COMMD10: variants seen among roughly 807,000 people sequenced by gnomAD.
COMMD10 encodes COMM domain-containing protein 10.
Under a neutral mutation model 28.9 loss-of-function variants are expected in COMMD10, and 33 were observed. The ratio of observed to expected loss-of-function variants is 1.14; its 90% CI spans 0.87 to 1.53. COMMD10 has a LOEUF of 1.53. Ranked by LOEUF, COMMD10 falls within the 40% of genes most tolerant of loss-of-function variation. COMMD10 has a pLI of 0.00. For synonymous variants in COMMD10, 110 were observed against 81.7 expected (o/e 1.35, Z -1.87); for missense variants, 310 against 233.4 (o/e 1.33, Z -2.14).
chr5:116,204,260 A>C (rs918804963), intron 5 of COMMD10, among the ~76,000 whole-genome samples: 1 of 152,212 alleles, frequency 6.6e-6, no homozygotes, highest in Non-Finnish European at 1.5e-5. Context: ...GTGACCTACA[A>C]GGAGACTTAG....
At chr5:116,123,480 A>T (rs1054021757) in intron 4 of COMMD10, among the ~76,000 whole-genome samples, 1 of 152,126 alleles carries the variant, frequency 6.6e-6, no homozygotes, top group Admixed American at 6.5e-5. Flanking sequence ...CCAGTATTTT[A>T]TTGAGGATTT....
rs565433479 is a variant in COMMD10 at position 116,276,499 on chromosome 5, G to A, written c.511-15018G>A. On this transcript the variant is annotated intron_variant, in intron 5 of 6. Coordinates refer to ENST00000274458, the MANE Select transcript of COMMD10 (RefSeq NM_016144.4). The stretch of plus-strand genomic sequence containing the variant: ...GATCCACCCACCTCAGCCTCCCAGA[G>A]TGCTGAGATTACAGGCATGAGCCAC... Among the ~76,000 whole-genome samples, 109 of 151,814 alleles carry A rather than the reference G, an allele frequency of 7.2e-4. 2 individuals carry two copies. Among genetic ancestry groups the A allele is most frequent in the African/African-American group, 2.6e-3 (108 of 41,212 alleles).
chr5:116,172,417 T>C (rs1753365461), intron 5 of COMMD10, among the ~76,000 whole-genome samples: 1 of 152,174 alleles, frequency 6.6e-6, no homozygotes, highest in South Asian at 2.1e-4. Flanking sequence ...ATGCTGCCTC[T>C]TTGTCTCTAA....
intron 5 of COMMD10, among the ~76,000 whole-genome samples, chr5:116,228,749 G>T (rs1749458441): frequency 6.6e-6 from 1 of 151,828 alleles, no homozygotes; most frequent in Non-Finnish European, 1.5e-5. Flanking sequence ...AGATCTTTTA[G>T]GATCACTGTG....
intron 4 of COMMD10, among the ~76,000 whole-genome samples, chr5:116,113,200 C>CT (rs1231535961): frequency 2.6e-5 from 4 of 152,056 alleles, no homozygotes; most frequent in Admixed American, 2.6e-4. Context: ...GTTTGATGGA[C>CT]TTTCCTTTAT....
At chr5:116,237,706 G>C (rs1749706336) in intron 5 of COMMD10, among the ~76,000 whole-genome samples, 1 of 151,996 alleles carries the variant, frequency 6.6e-6, no homozygotes, top group East Asian at 1.9e-4. Flanking sequence ...CACATGAGCA[G>C]GTATTATCTT....
chr5:116,250,480 GA>G (rs933738123), intron 5 of COMMD10, among the ~76,000 whole-genome samples: 3 of 150,894 alleles, frequency 2.0e-5, no homozygotes, highest in Non-Finnish European at 3.0e-5. Context: ...GGCTAAAAAG[GA>G]AAAAAAATTC....
chr5:116,239,251 G>T (rs546557992), intron 5 of COMMD10, among the ~76,000 whole-genome samples: 125 of 152,102 alleles, frequency 8.2e-4, no homozygotes, highest in Admixed American at 3.4e-3. Context: ...AAATTTGTTG[G>T]CATTAGTAAC....
intron 5 of COMMD10, among the ~76,000 whole-genome samples, chr5:116,280,543 C>T (rs11742237): frequency 6.6e-6 from 1 of 151,814 alleles, no homozygotes; most frequent in Non-Finnish European, 1.5e-5. Context: ...GGTTAAACGT[C>T]TATTCCTTGC....
In COMMD10 at chr5:116,293,210, T is replaced by G; in HGVS notation, c.*721T>G. The G allele has an allele frequency of 2.6e-6, 1 of 386,118 alleles. No homozygotes were observed. 23.9% of individuals were successfully genotyped at this position (386,118 alleles called of 1,614,324 possible). ...GTAATGAGTGCTAAATGGGCACCAT[T>G]ATTCGAATCAGATACCTTTTATATT... On this transcript the variant is annotated 3_prime_UTR_variant, in exon 7 of 7. Coordinates refer to ENST00000274458, the MANE Select transcript of COMMD10 (RefSeq NM_016144.4).
At chr5:116,272,139 G>A (rs78996676) in intron 5 of COMMD10, among the ~76,000 whole-genome samples, 2,133 of 151,836 alleles carry the variant, frequency 0.014, 85 homozygotes, top group African/African-American at 0.047. Flanking sequence ...TTTTCTAAGC[G>A]ATAATACCAG....
chr5:116,161,252 A>C (rs944379441), intron 5 of COMMD10, among the ~76,000 whole-genome samples: 9 of 152,162 alleles, frequency 5.9e-5, no homozygotes, highest in Non-Finnish European at 1.2e-4. Context: ...TATCTTCGTC[A>C]TCTTTAAAAT....
At chr5:116,127,062 C>T (rs1393671242) in intron 4 of COMMD10, among the ~76,000 whole-genome samples, 1 of 152,194 alleles carries the variant, frequency 6.6e-6, no homozygotes, top group Non-Finnish European at 1.5e-5. Flanking sequence ...CTACAAAGAA[C>T]TTGAACAAAT....
chr5:116,258,775 G>C (rs1022851022), intron 5 of COMMD10, among the ~76,000 whole-genome samples: 1 of 151,288 alleles, frequency 6.6e-6, no homozygotes, highest in African/African-American at 2.4e-5. Flanking sequence ...TTGATACTAC[G>C]CTAGGATGCC....
chr5:116,255,462 C>T lies in COMMD10; in HGVS notation c.511-36055C>T, dbSNP rs1025567819. ...TGGTTGTTCCTTTCCGTGTTTAGTG[C>T]TTCCTTCAGGAGCTCTTTTAGGGCA... On this transcript the variant is annotated intron_variant, in intron 5 of 6. Transcript: ENST00000274458. Among the ~76,000 whole-genome samples, 23 of 151,618 alleles carry T rather than the reference C, an allele frequency of 1.5e-4. 1 individual carries two copies. The highest frequency in any genetic ancestry group is 5.6e-4 in the African/African-American group (23 of 41,122).
At chr5:116,152,186 C>G (rs138536135) in intron 5 of COMMD10, among the ~76,000 whole-genome samples, 7 of 152,046 alleles carry the variant, frequency 4.6e-5, no homozygotes, top group Non-Finnish European at 1.0e-4. Flanking sequence ...TTTCTTAATC[C>G]TGAGTTCTAG....
chr5:116,194,699 A>C (rs533153837), intron 5 of COMMD10, among the ~76,000 whole-genome samples: 45 of 152,260 alleles, frequency 3.0e-4, no homozygotes, highest in Non-Finnish European at 2.5e-4. Flanking sequence ...CAACAAGAGA[A>C]GTCCAGGACC....
intron 4 of COMMD10, among the ~76,000 whole-genome samples, chr5:116,116,703 ATTTTTTTTTT>A (rs70978604): frequency 1.1e-4 from 13 of 121,540 alleles, no homozygotes; most frequent in Admixed American, 1.7e-4. Flanking sequence ...AAATGCAGAG[ATTTTTTTTTT>A]TTTTTTTTTT....
rs541646794 is a variant in COMMD10, at chr5:116,090,735, A to G, written c.133-344A>G. Among the ~76,000 whole-genome samples, 5 of 152,350 alleles carry G rather than the reference A, an allele frequency of 3.3e-5. No homozygotes were observed. In the South Asian group the frequency reaches 1.0e-3, roughly 32 times the overall value. ...ATTATGAAAATCACACCCAAGAAAC[A>G]TAAAAGGACAGAAGTCTGAGATTTC... On this transcript the variant is annotated intron_variant, in intron 2 of 6. Transcript: ENST00000274458.
Sources: gnomAD v4.1 joint callset for allele counts (sites outside exome capture counted in the v4.1 genomes callset) on GRCh38, gnomAD v4.1.1 for gene constraint, MANE v1.5 for transcripts, NCBI Gene and HGNC (gene_info 2026-07-23, HGNC 2026-07-21) for gene names.